Variants in SNTG1 observed in about 807,000 individuals in gnomAD.
SNTG1 encodes syntrophin gamma 1.
A neutral mutation model predicts 74.7 loss-of-function variants in SNTG1; 39 were observed. That is an observed-to-expected ratio of 0.52 (90% CI 0.40 to 0.68). The LOEUF is 0.68. SNTG1 is among the 30% of genes least tolerant of loss of function. SNTG1 has a pLI of 0.00. For synonymous variants in SNTG1, 254 were observed against 217.1 expected (o/e 1.17, Z -1.49); for missense variants, 685 against 609.5 (o/e 1.12, Z -1.30).
intron 8 of SNTG1, among the ~76,000 whole-genome samples, chr8:50,491,901 G>A (rs938445830): frequency 1.6e-3 from 95 of 59,844 alleles, no homozygotes; most frequent in Admixed American, 3.6e-3. Flanking sequence ...CCTACCACCC[G>A]CAGGCCCCAG....
intron 13 of SNTG1, among the ~76,000 whole-genome samples, chr8:50,612,629 A>ATGTTCC (rs1468179254): frequency 1.3e-5 from 2 of 152,160 alleles, no homozygotes; most frequent in African/African-American, 4.8e-5. Flanking sequence ...TATGTTCCCT[A>ATGTTCC]CTATGCCTAT....
intron 1 of SNTG1, among the ~76,000 whole-genome samples, chr8:49,953,227 C>T (rs1809879837): frequency 6.6e-6 from 1 of 152,210 alleles, no homozygotes; most frequent in South Asian, 2.1e-4. Flanking sequence ...AGACAGGGCT[C>T]TAACAGGAAA....
At chr8:50,319,227 G>T (rs1417497051) in intron 2 of SNTG1, among the ~76,000 whole-genome samples, 1 of 152,070 alleles carries the variant, frequency 6.6e-6, no homozygotes, top group African/African-American at 2.4e-5. Flanking sequence ...AGCTGGACAT[G>T]GTGGTGCATG....
rs958730349 is a variant in SNTG1, at chr8:50,752,589, G to A, written c.1395+478G>A. Among the ~76,000 whole-genome samples the A allele has an allele frequency of 2.4e-3, 370 of 151,824 alleles. 1 individual carries two copies. Among genetic ancestry groups the A allele is most frequent in the African/African-American group, 8.6e-3 (356 of 41,436 alleles). ...ATTTGCATTAGAATAAATTATAAATGCATTATCCCAGTATAGAGAAAAGGG... is the reference window on the plus strand; with the variant it reads ...ATTTGCATTAGAATAAATTATAAATACATTATCCCAGTATAGAGAAAAGGG... On this transcript the variant is annotated intron_variant, in intron 18 of 18. Coordinates refer to ENST00000642720, the MANE Select transcript of SNTG1 (RefSeq NM_018967.5).
At chr8:50,337,702 G>T (rs890659677) in intron 2 of SNTG1, among the ~76,000 whole-genome samples, 3 of 152,122 alleles carry the variant, frequency 2.0e-5, no homozygotes, top group African/African-American at 7.2e-5. Flanking sequence ...ATGGGCACAG[G>T]TTCACTGAAA....
rs544460642 is a variant in SNTG1, at chr8:50,333,022, C to G, written c.-27-61190C>G. On this transcript the variant is annotated intron_variant, in intron 2 of 18. Transcript: ENST00000642720. ...TAAAATATATTATATTTGAAGCTAGCTAGCAATAGTTTGATATATTTTCAG... is the reference window on the plus strand; with the variant it reads ...TAAAATATATTATATTTGAAGCTAGGTAGCAATAGTTTGATATATTTTCAG... 3.3e-5 allele frequency among the ~76,000 whole-genome samples: 5 copies of G among 152,246 alleles called. No homozygotes were observed. The East Asian group carries it at 9.6e-4, about 29-fold the overall frequency.
intron 1 of SNTG1, among the ~76,000 whole-genome samples, chr8:49,971,661 G>A (rs1262167279): frequency 2.0e-5 from 3 of 152,146 alleles, no homozygotes; most frequent in African/African-American, 7.2e-5. Flanking sequence ...GGCAACTTCA[G>A]CAAAGTCTCA....
At chr8:50,632,114 GC>G (rs1457138146) in intron 13 of SNTG1, among the ~76,000 whole-genome samples, 3 of 152,000 alleles carry the variant, frequency 2.0e-5, no homozygotes, top group Non-Finnish European at 4.4e-5. Flanking sequence ...ATAGGATATG[GC>G]AGTCACTAAA....
At chr8:50,305,495 T>A (rs1281005445) in intron 2 of SNTG1, among the ~76,000 whole-genome samples, 1 of 149,062 alleles carries the variant, frequency 6.7e-6, no homozygotes, top group Admixed American at 6.8e-5. Context: ...TTGTGGAAAG[T>A]TCTGTGGATG....
intron 2 of SNTG1, among the ~76,000 whole-genome samples, chr8:50,316,197 T>A (rs2090313080): frequency 6.6e-6 from 1 of 152,104 alleles, no homozygotes; most frequent in South Asian, 2.1e-4. Context: ...TTGTACAGAT[T>A]TTCCTAGCTT....
intron 13 of SNTG1, among the ~76,000 whole-genome samples, chr8:50,607,052 C>A (rs576931733): frequency 2.0e-5 from 3 of 151,774 alleles, no homozygotes; most frequent in Admixed American, 6.6e-5. Context: ...CTGCTTTTAA[C>A]GTCTCTCAAA....
At chr8:50,721,138 TAC>T (rs1444197464) in intron 17 of SNTG1, among the ~76,000 whole-genome samples, 1 of 152,208 alleles carries the variant, frequency 6.6e-6, no homozygotes, top group Non-Finnish European at 1.5e-5. Context: ...ATTAATGCAT[TAC>T]AGTTTTGAAT....
At chr8:50,168,106 A>G (rs2082689102) in intron 1 of SNTG1, among the ~76,000 whole-genome samples, 2 of 152,138 alleles carry the variant, frequency 1.3e-5, no homozygotes, top group Admixed American at 6.5e-5. Flanking sequence ...AATTTGTATG[A>G]TAACACTTAA....
chr8:50,062,215 T>A (rs954036480), intron 1 of SNTG1, among the ~76,000 whole-genome samples: 2 of 152,112 alleles, frequency 1.3e-5, no homozygotes, highest in Non-Finnish European at 2.9e-5. Context: ...GGCTAATTTT[T>A]GTATTTTTTT....
At chr8:50,545,516 G>A (rs1293223791) in intron 11 of SNTG1, among the ~76,000 whole-genome samples, 3 of 148,624 alleles carry the variant, frequency 2.0e-5, no homozygotes, top group African/African-American at 7.4e-5. Flanking sequence ...ATTTGAATTT[G>A]AGAAGTATAA....
chr8:50,243,297 A>G (rs1364734378), intron 2 of SNTG1, among the ~76,000 whole-genome samples: 1 of 152,180 alleles, frequency 6.6e-6, no homozygotes, highest in Non-Finnish European at 1.5e-5. Flanking sequence ...TTGCAATTAT[A>G]TATGCTTAGT....
chr8:50,234,744 CA>C (rs2085803541), intron 2 of SNTG1, among the ~76,000 whole-genome samples: 1 of 151,996 alleles, frequency 6.6e-6, no homozygotes, highest in Non-Finnish European at 1.5e-5. Context: ...AAAAACCCAA[CA>C]AGATAAATTT....
rs559799782 is a variant in SNTG1 at position 50,714,411 on chromosome 8, A to G, written c.1284+5433A>G. ...TAAGAGAGGACACAAACAAATGAAA[A>G]AAAAAAATTCCATGTTCATGGATAG... On this transcript the variant is annotated intron_variant, in intron 17 of 18. Coordinates refer to ENST00000642720, the MANE Select transcript of SNTG1 (RefSeq NM_018967.5). 3.3e-3 allele frequency among the ~76,000 whole-genome samples: 507 copies of G among 152,260 alleles called. 2 individuals are homozygous for G. Among genetic ancestry groups the G allele is most frequent in the Middle Eastern group, 6.8e-3 (2 of 294 alleles).
At chr8:50,230,193 C>T (rs1255714957) in intron 2 of SNTG1, among the ~76,000 whole-genome samples, 1 of 151,094 alleles carries the variant, frequency 6.6e-6, no homozygotes, top group Non-Finnish European at 1.5e-5. Context: ...TAGCCTAAAG[C>T]AACAGAAGAA....
Sources: allele counts gnomAD v4.1 joint callset (sites outside exome capture counted in the v4.1 genomes callset), GRCh38; gene constraint gnomAD v4.1.1; transcripts MANE v1.5; gene names NCBI Gene and HGNC (gene_info 2026-07-23, HGNC 2026-07-21).